The following MTREX variants were observed in gnomAD, a reference collection of about 807,000 sequenced individuals.
The protein encoded by MTREX is Mtr4 exosome RNA helicase.
Under a neutral mutation model 135.4 loss-of-function variants are expected in MTREX, and 76 were observed. The observed-to-expected ratio is 0.56, with a 90% CI of 0.47 to 0.68. The LOEUF is 0.68. Among genes scored for constraint, MTREX ranks in the 30% least tolerant of loss-of-function variants. MTREX has a pLI of 0.00. For missense variants in MTREX, 920 were observed against 1,262.1 expected (o/e 0.73, Z 4.11); for synonymous variants, 404 against 401.6 (o/e 1.01, Z -0.07).
chr5:55,380,839 CCCCTTTTCTTCCATTTTTTGGAAG>C (rs1750385069), intron 18 of MTREX, among the ~76,000 whole-genome samples: 1 of 151,888 alleles, frequency 6.6e-6, no homozygotes, highest in African/African-American at 2.4e-5. Flanking sequence ...AGGAAGTGTT[CCCCTTTTCTTCCATTTTTTGGAAG>C]AGGTTTTGAA....
chr5:55,319,812 A>G (rs1333529527), intron 1 of MTREX, among the ~76,000 whole-genome samples: 1 of 152,158 alleles, frequency 6.6e-6, no homozygotes, highest in African/African-American at 2.4e-5. Flanking sequence ...AGCACTTCTG[A>G]CCAGAAGTGT....
intron 23 of MTREX, among the ~76,000 whole-genome samples, chr5:55,412,196 T>C (rs1750893960): frequency 6.6e-6 from 1 of 152,202 alleles, no homozygotes; most frequent in Non-Finnish European, 1.5e-5. Flanking sequence ...TTTTTCTTGA[T>C]GCTTTTAACA....
At chr5:55,408,185 A>G (rs913444446) in intron 22 of MTREX, among the ~76,000 whole-genome samples, 10 of 152,026 alleles carry the variant, frequency 6.6e-5, no homozygotes, top group Non-Finnish European at 1.5e-5. Context: ...CACCCCACAC[A>G]TGCTTTTCCT....
At chr5:55,394,640 C>T (rs1267744187) in intron 19 of MTREX, among the ~76,000 whole-genome samples, 1 of 152,202 alleles carries the variant, frequency 6.6e-6, no homozygotes, top group Non-Finnish European at 1.5e-5. Flanking sequence ...TCTCCCCCAC[C>T]ACTCTTGCTG....
intron 21 of MTREX, among the ~76,000 whole-genome samples, chr5:55,401,211 T>C (rs1428957813): frequency 6.6e-6 from 1 of 152,178 alleles, no homozygotes; most frequent in Non-Finnish European, 1.5e-5. Flanking sequence ...ATTTTTGTAT[T>C]TTTATTAGAG....
intron 1 of MTREX, among the ~76,000 whole-genome samples, chr5:55,317,801 T>A (rs1412085812): frequency 6.6e-6 from 1 of 152,124 alleles, no homozygotes; most frequent in Non-Finnish European, 1.5e-5. Context: ...CTTAAGAGCT[T>A]CCATACAGCA....
intron 18 of MTREX, 78 bp downstream of exon 18, chr5:55,379,273 A>C: frequency 1.2e-6 from 1 of 840,210 alleles, no homozygotes; most frequent in African/African-American, 1.7e-5. Context: ...AATCGGTCTA[A>C]GAAGAAATAA....
At chr5:55,374,948 C>T (rs1340652451) in intron 16 of MTREX, among the ~76,000 whole-genome samples, 3 of 152,094 alleles carry the variant, frequency 2.0e-5, no homozygotes, top group South Asian at 2.1e-4. Flanking sequence ...ATTTTAAAGC[C>T]GGGCGTCCAG....
At chr5:55,409,064 A>G (rs1294897913) in intron 22 of MTREX, among the ~76,000 whole-genome samples, 1 of 151,894 alleles carries the variant, frequency 6.6e-6, no homozygotes, top group East Asian at 1.9e-4. Context: ...TGATCCTCCC[A>G]CCTCAGCCTC....
At chr5:55,348,104 A>G (rs1253390374) in intron 11 of MTREX, among the ~76,000 whole-genome samples, 1 of 152,180 alleles carries the variant, frequency 6.6e-6, no homozygotes, top group Non-Finnish European at 1.5e-5. Flanking sequence ...AATTTATGAA[A>G]GGCAGAAATT....
intron 13 of MTREX, among the ~76,000 whole-genome samples, chr5:55,351,842 CTT>C (rs754738083): frequency 1.7e-4 from 24 of 139,346 alleles, no homozygotes; most frequent in Admixed American, 2.9e-4. Context: ...ATGACTCATA[CTT>C]TTTTTTTTTT....
chr5:55,400,722 G>T (rs1750711571), intron 21 of MTREX, among the ~76,000 whole-genome samples: 1 of 152,122 alleles, frequency 6.6e-6, no homozygotes, highest in Non-Finnish European at 1.5e-5. Flanking sequence ...CTGGTTTTTA[G>T]TGTATTCACA....
rs989766096 is a variant in MTREX at position 55,400,148 on chromosome 5, A to G, written c.2293-85A>G. 1.8e-5 allele frequency: 18 copies of G among 1,018,440 alleles called. No homozygotes were observed. The African/African-American group carries it at 1.9e-4, about 11-fold the overall frequency. The allele number at this position is 1,018,440 out of a possible 1,614,324, so 63.1% of individuals were successfully genotyped here. A position where few individuals can be genotyped will look rare whatever the true frequency, so the allele number is the denominator to read the frequency against. ...TAGTATACTTTTTATGTCCATGTGC[A>G]TAGAAAAAAAGGGAAACACTGATTT... On this transcript the variant is annotated intron_variant, in intron 20 of 26. Coordinates refer to ENST00000230640, the MANE Select transcript of MTREX (RefSeq NM_015360.5).
chr5:55,401,983 G>A (rs1750729445), intron 21 of MTREX, among the ~76,000 whole-genome samples: 1 of 152,092 alleles, frequency 6.6e-6, no homozygotes, highest in Non-Finnish European at 1.5e-5. Context: ...GCTCCTTAGA[G>A]TCAGATGTTT....
intron 6 of MTREX, among the ~76,000 whole-genome samples, chr5:55,340,744 G>C (rs952556877): frequency 6.6e-6 from 1 of 152,016 alleles, no homozygotes; most frequent in African/African-American, 2.4e-5. Context: ...ACCATGCCCA[G>C]CTAATTTTTT....
chr5:55,353,695 C>T (rs893001194), intron 14 of MTREX, among the ~76,000 whole-genome samples: 1 of 151,976 alleles, frequency 6.6e-6, no homozygotes, highest in South Asian at 2.1e-4. Flanking sequence ...AGAGTGAGAC[C>T]CTGTCTCTGA....
At chr5:55,413,154 C>T (rs1750909989) in intron 23 of MTREX, among the ~76,000 whole-genome samples, 1 of 151,956 alleles carries the variant, frequency 6.6e-6, no homozygotes, top group South Asian at 2.1e-4. Context: ...GTCTGACCAA[C>T]ATGGTGAAAC....
At chr5:55,370,325 C>T (rs1017865600) in intron 16 of MTREX, among the ~76,000 whole-genome samples, 1 of 152,126 alleles carries the variant, frequency 6.6e-6, no homozygotes, top group African/African-American at 2.4e-5. Context: ...AGCCTTGGCC[C>T]ACATAAACTG....
intron 16 of MTREX, among the ~76,000 whole-genome samples, chr5:55,368,149 C>T (rs1340945836): frequency 3.3e-5 from 5 of 152,150 alleles, no homozygotes; most frequent in African/African-American, 1.2e-4. Flanking sequence ...TTGATTCTGA[C>T]TTTTGAAGTT....
Sources: allele counts gnomAD v4.1 joint callset (sites outside exome capture counted in the v4.1 genomes callset), GRCh38; gene constraint gnomAD v4.1.1; transcripts MANE v1.5; gene names NCBI Gene and HGNC (gene_info 2026-07-23, HGNC 2026-07-21).